The following PCDH7 variants were observed in gnomAD, a reference collection of about 807,000 sequenced individuals.
PCDH7 encodes protocadherin-7.
Under a neutral mutation model 58.9 loss-of-function variants are expected in PCDH7, and 17 were observed. That is an observed-to-expected ratio of 0.29 (90% CI 0.20 to 0.43). The LOEUF is 0.43. Among genes scored for constraint, PCDH7 ranks in the 20% least tolerant of loss-of-function variants. The pLI, the probability that PCDH7 is intolerant of heterozygous loss-of-function variation, is 1.00. For missense variants in PCDH7, 1,274 were observed against 1,441.0 expected (o/e 0.88, Z 1.88); for synonymous variants, 664 against 616.4 (o/e 1.08, Z -1.14).
At chr4:30,778,314 CT>C (rs927041668) in intron 1 of PCDH7, among the ~76,000 whole-genome samples, 3 of 151,872 alleles carry the variant, frequency 2.0e-5, no homozygotes, top group African/African-American at 4.8e-5. Flanking sequence ...AGCAAATAAT[CT>C]TTTTTTTGTT....
intron 1 of PCDH7, among the ~76,000 whole-genome samples, chr4:30,887,563 TAAAATACATAA>T: frequency 6.6e-6 from 1 of 152,184 alleles, no homozygotes; most frequent in Non-Finnish European, 1.5e-5. Flanking sequence ...TAATACTTGA[TAAAATACATAA>T]AAAATACATT....
At chr4:31,100,934 T>C (rs1448765273) in intron 3 of PCDH7, among the ~76,000 whole-genome samples, 1 of 152,210 alleles carries the variant, frequency 6.6e-6, no homozygotes, top group Non-Finnish European at 1.5e-5. Flanking sequence ...CTGATTCCTA[T>C]CAGAATATTT....
intron 3 of PCDH7, among the ~76,000 whole-genome samples, chr4:31,088,642 G>A (rs1460489785): frequency 2.6e-5 from 4 of 151,922 alleles, no homozygotes; most frequent in Non-Finnish European, 4.4e-5. Context: ...TAGCAATGAA[G>A]AGAACATCTT....
At chr4:30,867,566 T>C (rs1275454433) in intron 1 of PCDH7, among the ~76,000 whole-genome samples, 2 of 151,954 alleles carry the variant, frequency 1.3e-5, no homozygotes, top group African/African-American at 4.8e-5. Flanking sequence ...TGTAGGCTCC[T>C]TGGGGGAAAG....
At chr4:30,889,385 A>G (rs1738303744) in intron 1 of PCDH7, among the ~76,000 whole-genome samples, 1 of 152,080 alleles carries the variant, frequency 6.6e-6, no homozygotes, top group Non-Finnish European at 1.5e-5. Context: ...AAGCTATGGC[A>G]AATTGATCGT....
chr4:31,084,761 G>A (rs1456686073), intron 3 of PCDH7, among the ~76,000 whole-genome samples: 2 of 95,846 alleles, frequency 2.1e-5, no homozygotes, highest in African/African-American at 4.0e-5. Flanking sequence ...GGGAGGGGAG[G>A]AGATGGGGAG....
intron 1 of PCDH7, among the ~76,000 whole-genome samples, chr4:30,727,819 T>C (rs1205179508): frequency 1.3e-5 from 2 of 151,954 alleles, no homozygotes; most frequent in Non-Finnish European, 2.9e-5. Flanking sequence ...TTTAAAATAA[T>C]GTAATCCCCC....
At chr4:30,786,977 A>C (rs973266378) in intron 1 of PCDH7, among the ~76,000 whole-genome samples, 1 of 152,112 alleles carries the variant, frequency 6.6e-6, no homozygotes, top group Admixed American at 6.5e-5. Context: ...AAGGAATCAA[A>C]CTGTGCTTTT....
At chr4:30,987,064 C>A (rs1276328853) in intron 3 of PCDH7, among the ~76,000 whole-genome samples, 1 of 152,128 alleles carries the variant, frequency 6.6e-6, no homozygotes, top group Non-Finnish European at 1.5e-5. Flanking sequence ...ACAGGGAAAT[C>A]ACAGTATTCA....
intron 1 of PCDH7, among the ~76,000 whole-genome samples, chr4:30,803,652 T>C (rs1301828933): frequency 6.6e-6 from 1 of 152,216 alleles, no homozygotes; most frequent in Non-Finnish European, 1.5e-5. Flanking sequence ...TTACCCAGGC[T>C]GGCCTTGAAC....
chr4:30,762,886 C>T (rs1204493880), intron 1 of PCDH7, among the ~76,000 whole-genome samples: 2 of 152,204 alleles, frequency 1.3e-5, no homozygotes, highest in Non-Finnish European at 2.9e-5. Flanking sequence ...ACATCCCAAA[C>T]TTGTTTACTC....
chr4:30,904,353 T>A (rs554552705), intron 1 of PCDH7, among the ~76,000 whole-genome samples: 3 of 152,208 alleles, frequency 2.0e-5, no homozygotes, highest in South Asian at 4.2e-4. Context: ...GCCCACTCCC[T>A]CCCTCTTCAA....
chr4:31,036,843 G>T (rs1390127813), intron 3 of PCDH7, among the ~76,000 whole-genome samples: 1 of 152,268 alleles, frequency 6.6e-6, no homozygotes, highest in South Asian at 2.1e-4. Context: ...CATGTCTGGG[G>T]AGGCCTCACA....
downstream of PCDH7, among the ~76,000 whole-genome samples, chr4:30,737,060 A>T (rs779327372): frequency 3.9e-5 from 6 of 152,030 alleles, no homozygotes; most frequent in Non-Finnish European, 5.9e-5. Flanking sequence ...AAAATAGAAA[A>T]CTAAAGCTGG....
chr4:31,040,481 A>G (rs1424519020), intron 3 of PCDH7, among the ~76,000 whole-genome samples: 4 of 152,240 alleles, frequency 2.6e-5, no homozygotes, highest in South Asian at 2.1e-4. Flanking sequence ...AAATTTGTAC[A>G]TGTACAATGA....
In PCDH7 at chr4:31,035,013, A is replaced by C. The variant is rs551147017; in HGVS notation, c.*7+84798A>C. Among the ~76,000 whole-genome samples, 12 of 152,320 alleles carry C rather than the reference A, an allele frequency of 7.9e-5. No individual in the cohort carries two copies. The South Asian group carries it at 2.5e-3, about 32-fold the overall frequency. On this transcript the variant is annotated intron_variant, in intron 3 of 3. Coordinates refer to the PCDH7 transcript ENST00000509759. ...AACTCTGAGACAGGGAGATTAGGGA[A>C]TAGAGAATCAACAGCTTTTCTAATA...
At position 30,728,046 on chromosome 4, in the gene PCDH7, C is replaced by CA. The variant is rs936317682; in HGVS notation, c.3175-2701dup. Among the ~76,000 whole-genome samples, 25 of 151,718 alleles carry CA rather than the reference C, an allele frequency of 1.6e-4. 1 individual carries two copies. The highest frequency in any genetic ancestry group is 6.2e-4 in the South Asian group (3 of 4,820). Reference sequence around the variant, plus strand: ...TCCACTTGCAGCTGATCCTGAAATACAAAAAATTTACATTAACTTCAGTGA... The same window carrying CA: ...TCCACTTGCAGCTGATCCTGAAATACAAAAAAATTTACATTAACTTCAGTGA... On this transcript the variant is annotated intron_variant, in intron 1 of 1. Transcript: ENST00000361762.
chr4:30,849,432 T>C (rs758521052), intron 1 of PCDH7, among the ~76,000 whole-genome samples: 9 of 152,120 alleles, frequency 5.9e-5, no homozygotes, highest in Non-Finnish European at 1.2e-4. Context: ...TTACTTTCAG[T>C]CTTCTTCCCT....
At chr4:30,966,198 T>C (rs931711099) in intron 3 of PCDH7, among the ~76,000 whole-genome samples, 6 of 152,296 alleles carry the variant, frequency 3.9e-5, no homozygotes, top group Non-Finnish European at 7.4e-5. Flanking sequence ...AAAGCACTGT[T>C]CTCCAATCAG....
Sources: gnomAD v4.1 joint callset for allele counts (sites outside exome capture counted in the v4.1 genomes callset) on GRCh38, gnomAD v4.1.1 for gene constraint, MANE v1.5 for transcripts, NCBI Gene and HGNC (gene_info 2026-07-23, HGNC 2026-07-21) for gene names.